Variants in PRELID3B observed in about 807,000 individuals in gnomAD.
PRELID3B encodes PRELI domain containing 3B, also known as PRELI domain containing protein 3B.
Under a neutral mutation model 24.0 loss-of-function variants are expected in PRELID3B, and 15 were observed. That is an observed-to-expected ratio of 0.63 (90% CI 0.42 to 0.96). The LOEUF (loss-of-function observed/expected upper bound fraction) is 0.96. PRELID3B is among the 40% of genes least tolerant of loss of function. The pLI, the probability that PRELID3B is intolerant of heterozygous loss-of-function variation, is 0.00. For missense variants in PRELID3B, 189 were observed against 236.0 expected, an observed-to-expected ratio of 0.80 and a Z score of 1.30; for synonymous variants, 62 against 76.0, an observed-to-expected ratio of 0.82 and a Z score of 0.96.
chr20:59,034,756 T>A lies in PRELID3B; in HGVS notation c.*251A>T. On this transcript the variant is annotated 3_prime_UTR_variant, in exon 6 of 6. Coordinates refer to ENST00000355937, the MANE Select transcript of PRELID3B (RefSeq NM_016045.3). ...AATACCAGTTTCCAAGGAGTTCTTG[T>A]TGAATTTTCACAGAAATACTGGAAC... The A allele has an allele frequency of 5.6e-6, 2 of 355,898 alleles. No individual in the cohort carries two copies. The highest frequency in any genetic ancestry group is 8.5e-5 in the Admixed American group (2 of 23,534). The allele number at this position is 355,898 out of a possible 1,614,324, so 22.0% of individuals were successfully genotyped here.
intron 1 of PRELID3B, among the ~76,000 whole-genome samples, chr20:59,041,104 T>A (rs1018526655): frequency 1.3e-5 from 2 of 151,896 alleles, no homozygotes; most frequent in African/African-American, 2.4e-5. Context: ...AGGGAAGATA[T>A]GGGAGAAGAC....
rs2092059200 is a variant in PRELID3B, at chr20:59,034,891, A to C, written c.*116T>G. On this transcript the variant is annotated 3_prime_UTR_variant, in exon 6 of 6. Coordinates refer to ENST00000355937, the MANE Select transcript of PRELID3B (RefSeq NM_016045.3). ...TCACATAGCCTTACACCAACTTATC[A>C]AAAAAAAAAAAAAAAAAACTACCCA... 1 of 238,400 alleles carries C rather than the reference A, an allele frequency of 4.2e-6. No homozygotes were observed. The highest frequency in any genetic ancestry group is 7.0e-5 in the African/African-American group (1 of 14,250). 14.8% of individuals were successfully genotyped at this position (238,400 alleles called of 1,614,324 possible).
rs34173406 is a variant in PRELID3B, at chr20:59,034,890, CAAAA to C, written c.*113_*116del. On this transcript the variant is annotated 3_prime_UTR_variant, in exon 6 of 6. Coordinates refer to ENST00000355937, the MANE Select transcript of PRELID3B (RefSeq NM_016045.3). ...GTCACATAGCCTTACACCAACTTAT[CAAAA>C]AAAAAAAAAAAAAAACTACCCAAAA... 0.13 allele frequency: 86,765 copies of C among 665,338 alleles called. 1,492 individuals are homozygous for C. Among genetic ancestry groups the C allele is most frequent in the Non-Finnish European group, 0.14 (65,856 of 487,174 alleles). The allele number at this position is 665,338 out of a possible 1,614,324, so 41.2% of individuals were successfully genotyped here.
At position 59,033,392 on chromosome 20, in the gene PRELID3B, C is replaced by G. The variant is rs1276803516; in HGVS notation, c.*1615G>C. The G allele has an allele frequency of 6.6e-6, 1 of 152,136 alleles. No homozygotes were observed. The highest frequency in any genetic ancestry group is 1.5e-5 in the Non-Finnish European group (1 of 68,030). 9.4% of individuals were successfully genotyped at this position (152,136 alleles called of 1,614,324 possible). ...GATTTAAAAATATTAGGGCATTACA[C>G]CTTTTTCAGAACAAGGATAATTTAC... On this transcript the variant is annotated 3_prime_UTR_variant, in exon 6 of 6. Coordinates refer to ENST00000355937, the MANE Select transcript of PRELID3B (RefSeq NM_016045.3).
At chr20:59,038,860 A>C (rs549478694) in intron 1 of PRELID3B, among the ~76,000 whole-genome samples, 1 of 152,200 alleles carries the variant, frequency 6.6e-6, no homozygotes, top group Non-Finnish European at 1.5e-5. Context: ...AAAAAAACTC[A>C]TATCTATAAA....
chr20:59,038,532 G>A lies in PRELID3B; in HGVS notation c.135C>T (p.Pro45=). The A allele has an allele frequency of 6.2e-7, 1 of 1,613,764 alleles. No homozygotes were observed. The highest frequency in any genetic ancestry group is 8.5e-7 in the Non-Finnish European group (1 of 1,179,840). ...GVDVLDRHID[P]SGKLHSHRLL... is the part of the protein sequence containing the mutation. The stretch of plus-strand genomic sequence containing the variant: ...GTCTGTGGCTGTGCAACTTTCCAGA[G>A]GGATCTATATGTCTGTCCAACACAT... The change falls in exon 2 of 6, where the codon CCC becomes CCT. Residue 45 remains proline (P), a synonymous_variant. Transcript: ENST00000355937.
chr20:59,038,492 A>G lies in PRELID3B; in HGVS notation c.175T>C (p.Trp59Arg), dbSNP rs368800534. ...GACTTCACAATGGAAGGCAGTCCCC[A>G]CTCTGTGCTGAGAAGTCTGTGGCTG... The part of the protein sequence containing the change: ...LHSHRLLSTE[W>R]GLPSIVKSLI... The change falls in exon 2 of 6, where the codon TGG (tryptophan) becomes CGG (arginine). Residue 59 changes from tryptophan to arginine, a missense_variant. Physicochemically the swap from Trp to Arg is moderately radical, Grantham distance 101. Transcript: ENST00000355937. The G allele has an allele frequency of 9.3e-6, 15 of 1,613,552 alleles. No individual in the cohort carries two copies. In the African/African-American group the frequency reaches 1.1e-4, roughly 11 times the overall value.
In PRELID3B at chr20:59,040,556, C is replaced by A. The variant is rs2092103351; in HGVS notation, c.33-1922G>T. Among the ~76,000 whole-genome samples the A allele has an allele frequency of 6.6e-6, 1 of 152,182 alleles. No individual in the cohort carries two copies. Among genetic ancestry groups the A allele is most frequent in the South Asian group, 2.1e-4 (1 of 4,828 alleles). ...ATCAATGAATGACTTCACCTGGATG[C>A]CAACTATAGGCCTCAGAAGAAAAGT... On this transcript the variant is annotated intron_variant, in intron 1 of 5. Coordinates refer to ENST00000355937, the MANE Select transcript of PRELID3B (RefSeq NM_016045.3). The surrounding 1 kb of genome is among the most constrained non-coding windows in gnomAD (Gnocchi z 4.1).
Position 59,040,611 on chromosome 20 carries a change from G to A in PRELID3B, c.33-1977C>T, listed in dbSNP as rs927880061. 6.6e-6 allele frequency among the ~76,000 whole-genome samples: 1 copy of A among 152,252 alleles called. No individual in the cohort carries two copies. The highest frequency in any genetic ancestry group is 2.4e-5 in the African/African-American group (1 of 41,468). The stretch of plus-strand genomic sequence containing the variant: ...GAAAATCAAAGACAGATAAGATGTA[G>A]AATGATGACTTAGACATTGTTAGAG... On this transcript the variant is annotated intron_variant, in intron 1 of 5. Transcript: ENST00000355937. The surrounding 1 kb of genome is among the most constrained non-coding windows in gnomAD (Gnocchi z 4.1).
At position 59,038,900 on chromosome 20, in the gene PRELID3B, C is replaced by T. The variant is rs138468120; in HGVS notation, c.33-266G>A. On this transcript the variant is annotated intron_variant, in intron 1 of 5. Transcript: ENST00000355937. ...AAAGCAGTCTACACCATCTTTCCTA[C>T]TTATCCTTATCCACTTTCACATGTA... 2.1e-3 allele frequency among the ~76,000 whole-genome samples: 325 copies of T among 152,324 alleles called. 2 individuals are homozygous for T. The East Asian group carries it at 0.022, about 10-fold the overall frequency.
In PRELID3B at chr20:59,038,597, T is replaced by TC. The variant is rs774499056; in HGVS notation, c.69dup (p.Lys24GlufsTer14). 2 of 1,613,306 alleles carry TC rather than the reference T, an allele frequency of 1.2e-6. No individual in the cohort carries two copies. The highest frequency in any genetic ancestry group is 8.5e-7 in the Non-Finnish European group (1 of 1,179,698). ...CTTGGGTTCATAGGGTTTGGGTATT[T>TC]CTGCATTGCAGCTGTTGTAACAGTT... On this transcript the variant is annotated frameshift_variant, in exon 2 of 6. Coordinates refer to ENST00000355937, the MANE Select transcript of PRELID3B (RefSeq NM_016045.3). LOFTEE classifies it high-confidence loss of function.
chr20:59,036,982 T>C (rs1233630984), intron 3 of PRELID3B, among the ~76,000 whole-genome samples: 1 of 152,180 alleles, frequency 6.6e-6, no homozygotes, highest in Non-Finnish European at 1.5e-5. Context: ...CCAAACTCAT[T>C]TTATTGAGTG....
At chr20:59,042,193 C>G (rs1230954797) in intron 1 of PRELID3B, among the ~76,000 whole-genome samples, 1 of 152,240 alleles carries the variant, frequency 6.6e-6, no homozygotes, top group East Asian at 1.9e-4. Flanking sequence ...GAAAAGGCTT[C>G]ACATCCTGGT....
intron 5 of PRELID3B, 38 bp from the exon 6 acceptor site, chr20:59,035,164 A>G: frequency 6.3e-7 from 1 of 1,578,168 alleles, no homozygotes; most frequent in Non-Finnish European, 8.6e-7. Context: ...TTACTGAGGG[A>G]GAGCAAAGGC....
chr20:59,041,318 A>G (rs2092108476), intron 1 of PRELID3B, among the ~76,000 whole-genome samples: 1 of 152,192 alleles, frequency 6.6e-6, no homozygotes, highest in South Asian at 2.1e-4. Context: ...CAGTAGGGGG[A>G]AAAGAAAGCT....
Position 59,033,874 on chromosome 20 carries a change from C to T in PRELID3B, c.*1133G>A, listed in dbSNP as rs951637772. The T allele has an allele frequency of 2.2e-4, 34 of 152,148 alleles. No individual in the cohort carries two copies. Among genetic ancestry groups the T allele is most frequent in the Non-Finnish European group, 8.8e-5 (6 of 68,040 alleles). The allele number at this position is 152,148 out of a possible 1,614,324, so 9.4% of individuals were successfully genotyped here. ...AGTTTGCAGCTGCCCTCTTGACATCCCAAATAAGGAATTCCCGTTAAGTAA... is the reference window on the plus strand; with the variant it reads ...AGTTTGCAGCTGCCCTCTTGACATCTCAAATAAGGAATTCCCGTTAAGTAA... On this transcript the variant is annotated 3_prime_UTR_variant, in exon 6 of 6. Coordinates refer to ENST00000355937, the MANE Select transcript of PRELID3B (RefSeq NM_016045.3).
Position 59,040,737 on chromosome 20 carries a change from G to A in PRELID3B, c.32+1962C>T, listed in dbSNP as rs532544284. On this transcript the variant is annotated intron_variant, in intron 1 of 5. Coordinates refer to ENST00000355937, the MANE Select transcript of PRELID3B (RefSeq NM_016045.3). The surrounding 1 kb of genome is among the most constrained non-coding windows in gnomAD (Gnocchi z 4.1). ...GTTTTAAGGGCCTGTGGGACACGAG[G>A]GTAGCAATGCCTAACAGGCACCTGA... Among the ~76,000 whole-genome samples the A allele has an allele frequency of 5.5e-4, 84 of 152,276 alleles. No individual in the cohort carries two copies. The highest frequency in any genetic ancestry group is 1.9e-3 in the African/African-American group (78 of 41,544).
intron 1 of PRELID3B, among the ~76,000 whole-genome samples, chr20:59,039,807 C>A (rs1005366210): frequency 6.6e-6 from 1 of 152,248 alleles, no homozygotes; most frequent in Admixed American, 6.5e-5. Flanking sequence ...CCAGTGACAT[C>A]ATTTTTAATG....
chr20:59,042,299 C>G (rs954241902), intron 1 of PRELID3B, among the ~76,000 whole-genome samples: 1 of 152,278 alleles, frequency 6.6e-6, no homozygotes, highest in Non-Finnish European at 1.5e-5. Context: ...ACACCTCCCT[C>G]TTGGGATCCT....
Sources: gnomAD v4.1 joint callset for allele counts (sites outside exome capture counted in the v4.1 genomes callset) on GRCh38, gnomAD v4.1.1 for gene constraint, Gnocchi (gnomAD v3.1) non-coding constraint, MANE v1.5 for transcripts, NCBI Gene and HGNC (gene_info 2026-07-23, HGNC 2026-07-21) for gene names.